The following FCHO2 variants were observed in gnomAD, a reference collection of about 807,000 sequenced individuals.
FCHO2 encodes F-BAR domain only protein 2.
A neutral mutation model predicts 114.1 loss-of-function variants in FCHO2; 43 were observed. That is an observed-to-expected ratio of 0.38 (90% confidence interval 0.30 to 0.49). The LOEUF (loss-of-function observed/expected upper bound fraction) is 0.49, where lower values mean the gene tolerates loss of function less well. Among genes scored for constraint, FCHO2 ranks in the 20% least tolerant of loss-of-function variants. FCHO2 has a pLI of 0.97. For missense variants in FCHO2, 807 were observed against 950.4 expected, an observed-to-expected ratio of 0.85 and a Z score of 1.98; for synonymous variants, 293 against 315.2, an observed-to-expected ratio of 0.93 and a Z score of 0.75.
At chr5:73,023,647 C>T (rs1342423158) in intron 8 of FCHO2, among the ~76,000 whole-genome samples, 1 of 151,648 alleles carries the variant, frequency 6.6e-6, no homozygotes, top group Non-Finnish European at 1.5e-5. Context: ...TTGCAGCGAG[C>T]TCAGATTGCG....
chr5:73,015,440 T>A (rs1755257871), intron 6 of FCHO2, among the ~76,000 whole-genome samples, 186 bp from the exon 7 acceptor site: 1 of 151,958 alleles, frequency 6.6e-6, no homozygotes, highest in African/African-American at 2.4e-5. Context: ...TTTTTGTATT[T>A]TTAGTAGAGA....
rs1182988071 is a variant in FCHO2 at position 73,058,501 on chromosome 5, C to T, written c.1322C>T (p.Ser441Phe). 4.8e-6 allele frequency: 7 copies of T among 1,466,050 alleles called. No homozygotes were observed. 90.8% of individuals were successfully genotyped at this position (1,466,050 alleles called of 1,614,324 possible). ...FGPSLDSSSS[S>F]SLTSSSSARP... ...CCATCTCTTGATTCATCTTCTTCAT[C>T]TTCACTAACTTCATCATCATCAGGT... The change falls in exon 17 of 26, where the codon TCT becomes TTT. Residue 441 changes from serine (S) to phenylalanine (F), a missense_variant. Coordinates refer to ENST00000430046, the MANE Select transcript of FCHO2 (RefSeq NM_138782.3).
At chr5:72,964,602 G>A (rs1272176921) in intron 1 of FCHO2, among the ~76,000 whole-genome samples, 1 of 152,094 alleles carries the variant, frequency 6.6e-6, no homozygotes, top group Non-Finnish European at 1.5e-5. Flanking sequence ...TGGCCAGGCT[G>A]GTCTCAAACT....
intron 8 of FCHO2, among the ~76,000 whole-genome samples, chr5:73,026,827 G>A (rs1755948891): frequency 6.6e-6 from 1 of 151,924 alleles, no homozygotes; most frequent in South Asian, 2.1e-4. Context: ...AAGCAGCTGG[G>A]CTTACAGGCG....
At chr5:73,037,072 A>T in intron 9 of FCHO2, 71 bp from the exon 10 acceptor site, 1 of 1,029,402 alleles carries the variant, frequency 9.7e-7, no homozygotes, top group Non-Finnish European at 1.4e-6. Context: ...AGGATGCAAG[A>T]TGTATCCATA....
At chr5:73,055,806 G>A (rs58563078) in intron 15 of FCHO2, among the ~76,000 whole-genome samples, 21,741 of 151,966 alleles carry the variant, frequency 0.14, 1,779 homozygotes, top group East Asian at 0.35. Flanking sequence ...TTTCTAAACA[G>A]CAATTTTAAT....
intron 1 of FCHO2, among the ~76,000 whole-genome samples, chr5:72,964,795 TC>T (rs1264926715): frequency 2.0e-5 from 3 of 152,176 alleles, no homozygotes; most frequent in Non-Finnish European, 4.4e-5. Flanking sequence ...TACGGTTGTC[TC>T]CCCATCCATA....
chr5:73,056,559 G>A (rs1757604586), intron 16 of FCHO2, among the ~76,000 whole-genome samples: 1 of 151,940 alleles, frequency 6.6e-6, no homozygotes, highest in Admixed American at 6.6e-5. Flanking sequence ...TGTTTTCTGA[G>A]CTGTCAAATG....
In FCHO2 at chr5:73,090,306, A is replaced by G. The variant is rs1167981608; in HGVS notation, c.*2216A>G. 1.3e-5 allele frequency: 2 copies of G among 152,556 alleles called. No individual in the cohort carries two copies. Among genetic ancestry groups the G allele is most frequent in the Non-Finnish European group, 2.9e-5 (2 of 67,980 alleles). 9.5% of individuals were successfully genotyped at this position (152,556 alleles called of 1,614,324 possible). On this transcript the variant is annotated 3_prime_UTR_variant, in exon 26 of 26. Coordinates refer to ENST00000430046, the MANE Select transcript of FCHO2 (RefSeq NM_138782.3). ...CTAGCAAGCTGGTTCTTGCTTATAT[A>G]TAGTGATAAACTTTGTAGCTGCCTC...
chr5:73,040,637 G>A (rs1485078878), intron 10 of FCHO2, among the ~76,000 whole-genome samples: 1 of 152,026 alleles, frequency 6.6e-6, no homozygotes, highest in Non-Finnish European at 1.5e-5. Flanking sequence ...TTCAATACTT[G>A]TTTATCAGTT....
At chr5:73,071,569 C>A (rs1276909164) in intron 19 of FCHO2, among the ~76,000 whole-genome samples, 1 of 151,928 alleles carries the variant, frequency 6.6e-6, no homozygotes, top group Non-Finnish European at 1.5e-5. Flanking sequence ...AAATATGTAA[C>A]AAACCAAAAT....
At chr5:72,981,541 T>C (rs1380264335) in intron 2 of FCHO2, among the ~76,000 whole-genome samples, 3 of 152,224 alleles carry the variant, frequency 2.0e-5, no homozygotes, top group Non-Finnish European at 4.4e-5. Flanking sequence ...AAGAGTGTTT[T>C]CCAACTTGGT....
chr5:73,038,019 C>T (rs1490563574), intron 10 of FCHO2: 3 of 185,666 alleles, frequency 1.6e-5, no homozygotes, highest in African/African-American at 7.2e-5. Context: ...CTCAGCTTCC[C>T]AAAGTGCTGG....
At chr5:73,005,992 C>T (rs114254928) in intron 5 of FCHO2, among the ~76,000 whole-genome samples, 89 of 152,206 alleles carry the variant, frequency 5.8e-4, no homozygotes, top group Non-Finnish European at 9.3e-4. Flanking sequence ...TAGGTTTAAT[C>T]AGACATTGAA....
At chr5:72,979,989 T>A (rs1580036231) in intron 2 of FCHO2, among the ~76,000 whole-genome samples, 1 of 152,188 alleles carries the variant, frequency 6.6e-6, no homozygotes, top group Non-Finnish European at 1.5e-5. Flanking sequence ...TTCTGCTAGC[T>A]TTTGAATTTG....
intron 2 of FCHO2, among the ~76,000 whole-genome samples, chr5:72,978,571 T>A (rs561969168): frequency 6.6e-6 from 1 of 152,276 alleles, no homozygotes; most frequent in East Asian, 1.9e-4. Context: ...CAATTTGACA[T>A]CCCCTTTTCC....
At chr5:72,985,235 A>G (rs900989136) in intron 2 of FCHO2, among the ~76,000 whole-genome samples, 3 of 151,570 alleles carry the variant, frequency 2.0e-5, no homozygotes, top group Non-Finnish European at 4.4e-5. Flanking sequence ...ATCTTGACTC[A>G]CTGCAACCTC....
At chr5:72,966,288 A>G in intron 1 of FCHO2, among the ~76,000 whole-genome samples, 1 of 152,182 alleles carries the variant, frequency 6.6e-6, no homozygotes, top group Middle Eastern at 3.2e-3. Flanking sequence ...TTACTCTTAA[A>G]AAGTTCACCG....
chr5:72,972,907 A>C (rs546342493), intron 2 of FCHO2, among the ~76,000 whole-genome samples: 1 of 152,330 alleles, frequency 6.6e-6, no homozygotes, highest in Admixed American at 6.5e-5. Context: ...AGTTTTTAGC[A>C]TGAAGGGCTG....
Sources: gnomAD v4.1 joint callset for allele counts (sites outside exome capture counted in the v4.1 genomes callset) on GRCh38, gnomAD v4.1.1 for gene constraint, MANE v1.5 for transcripts, NCBI Gene and HGNC (gene_info 2026-07-23, HGNC 2026-07-21) for gene names.